Variants in PCDHGA3 observed in about 807,000 individuals in gnomAD.
The protein encoded by PCDHGA3 is protocadherin gamma-A3.
In PCDHGA3, 40 loss-of-function variants were observed where a neutral mutation model predicts 58.5. The ratio of observed to expected loss-of-function variants is 0.68; its 90% CI spans 0.53 to 0.89. The LOEUF is 0.89. Among genes scored for constraint, PCDHGA3 ranks in the 40% least tolerant of loss-of-function variants. PCDHGA3 has a pLI of 0.00. For synonymous variants in PCDHGA3, 530 were observed against 525.7 expected (o/e 1.01, Z -0.11); for missense variants, 1,223 against 1,195.9 (o/e 1.02, Z -0.33).
intron 1 of PCDHGA3, chr5:141,365,015 C>T (rs773470378): frequency 1.2e-6 from 2 of 1,613,786 alleles, no homozygotes; most frequent in Admixed American, 3.3e-5. Context: ...CACGCACATC[C>T]GTGTTACGGT....
At chr5:141,418,149 AAG>A (rs768024698) in intron 1 of PCDHGA3, 1 of 1,613,982 alleles carries the variant, frequency 6.2e-7, no homozygotes, top group Non-Finnish European at 8.5e-7. Flanking sequence ...CAAATATGCA[AAG>A]AGAGAAGAAG....
intron 1 of PCDHGA3, chr5:141,362,450 C>T (rs766571642): frequency 1.2e-6 from 2 of 1,614,050 alleles, no homozygotes; most frequent in Non-Finnish European, 1.7e-6. Context: ...AACATAACCC[C>T]GGAATTGGTT....
intron 1 of PCDHGA3, chr5:141,422,639 C>T (rs777330051): frequency 3.7e-6 from 6 of 1,612,780 alleles, no homozygotes; most frequent in South Asian, 2.2e-5. Flanking sequence ...AGGGGTGCCT[C>T]CATCTTCTCA....
intron 1 of PCDHGA3, chr5:141,423,302 T>G (rs1221185261): frequency 6.2e-7 from 1 of 1,614,144 alleles, no homozygotes. Context: ...GACCTCTCGC[T>G]GTACTTGGTG....
chr5:141,407,158 G>A (rs2094893881), intron 1 of PCDHGA3, among the ~76,000 whole-genome samples: 1 of 152,166 alleles, frequency 6.6e-6, no homozygotes, highest in African/African-American at 2.4e-5. Flanking sequence ...AAGTGTCTGG[G>A]AATCCTTTAT....
intron 1 of PCDHGA3, chr5:141,408,979 C>A (rs1331121466): frequency 6.2e-7 from 1 of 1,613,862 alleles, no homozygotes; most frequent in East Asian, 2.2e-5. Flanking sequence ...CCCCTGGGTC[C>A]CCTGTGTTGC....
intron 1 of PCDHGA3, chr5:141,407,978 A>ATCCGTCAGCCTCTGGCCTGGGAT (rs2095018425): frequency 2.7e-6 from 2 of 743,974 alleles, no homozygotes; most frequent in Non-Finnish European, 4.1e-6. Context: ...GACGCCGGGG[A>ATCCGTCAGCCTCTGGCCTGGGAT]TCCGTCAGCC....
At chr5:141,349,152 C>T (rs1432074421) in intron 1 of PCDHGA3, among the ~76,000 whole-genome samples, 1 of 152,170 alleles carries the variant, frequency 6.6e-6, no homozygotes, top group African/African-American at 2.4e-5. Context: ...CTCACTGCAA[C>T]CTCTGCCTCC....
At chr5:141,364,658 G>C in intron 1 of PCDHGA3, 1 of 1,614,020 alleles carries the variant, frequency 6.2e-7, no homozygotes, top group Non-Finnish European at 8.5e-7. Context: ...TAACATCTTG[G>C]TTGAGAACAA....
intron 1 of PCDHGA3, chr5:141,375,357 C>A: frequency 6.2e-7 from 1 of 1,613,858 alleles, no homozygotes; most frequent in Non-Finnish European, 8.5e-7. Context: ...GTGACAGCCA[C>A]GGACAAAGGA....
Position 141,410,521 on chromosome 5 carries a change from A to G in PCDHGA3, c.2424+64064A>G, listed in dbSNP as rs201505796. ...ATTTCCTAAAATGCAGTGTGCCCCT[A>G]CATTCCAATGAAGACATGGTTTGCA... is the stretch of plus-strand genomic sequence containing the variant. On this transcript the variant is annotated intron_variant, in intron 1 of 3. Coordinates refer to ENST00000253812, the MANE Select transcript of PCDHGA3 (RefSeq NM_018916.4). 1,940 of 1,613,966 alleles carry G rather than the reference A, an allele frequency of 1.2e-3. 3 individuals are homozygous for G. Among genetic ancestry groups the G allele is most frequent in the Non-Finnish European group, 1.5e-3 (1,760 of 1,179,896 alleles).
intron 1 of PCDHGA3, chr5:141,394,806 G>A: frequency 6.2e-7 from 1 of 1,613,852 alleles, no homozygotes; most frequent in Non-Finnish European, 8.5e-7. Flanking sequence ...CGTAGCCGTG[G>A]CTGACAGCAT....
chr5:141,476,714 C>A lies in PCDHGA3; in HGVS notation c.2425-18093C>A, dbSNP rs146188020. 1 of 1,614,154 alleles carries A rather than the reference C, an allele frequency of 6.2e-7. No homozygotes were observed. The highest frequency in any genetic ancestry group is 1.1e-5 in the South Asian group (1 of 91,078). ...CAAGTACGCGGAGCTGGTGTTGGAG[C>A]GCGCCCTGGACCGAGAACGGGAGCC... On this transcript the variant is annotated intron_variant, in intron 1 of 3. Transcript: ENST00000253812. This position sits in a 1 kb window ranked among gnomAD's most constrained non-coding sequence, Gnocchi z 7.6.
Position 141,491,711 on chromosome 5 carries a change from C to A in PCDHGA3, c.2425-3096C>A, listed in dbSNP as rs528931820. ...CGGGAGCGGAGCCAGGTGAGGGGCT[C>A]GGCGCCGCCCCGGGCGACCCCTGGG... On this transcript the variant is annotated intron_variant, in intron 1 of 3. Coordinates refer to ENST00000253812, the MANE Select transcript of PCDHGA3 (RefSeq NM_018916.4). The surrounding 1 kb of genome is among the most constrained non-coding windows in gnomAD (Gnocchi z 6.9). 1.3e-4 allele frequency: 217 copies of A among 1,609,356 alleles called. 3 individuals are homozygous for A. In the South Asian group the frequency reaches 2.2e-3, roughly 17 times the overall value.
At chr5:141,500,876 A>G (rs909126749) in intron 2 of PCDHGA3, among the ~76,000 whole-genome samples, 1 of 124,952 alleles carries the variant, frequency 8.0e-6, no homozygotes, top group African/African-American at 3.5e-5. Flanking sequence ...ATTCATTTAC[A>G]ATTTTTTTTT....
chr5:141,375,513 T>C (rs1771538043), intron 1 of PCDHGA3: 2 of 1,614,038 alleles, frequency 1.2e-6, no homozygotes, highest in Non-Finnish European at 1.7e-6. Flanking sequence ...GTGAATGCAC[T>C]GGACCCTGAC....
chr5:141,490,891 C>A lies in PCDHGA3; in HGVS notation c.2425-3916C>A, dbSNP rs1462296497. The A allele has an allele frequency of 6.2e-7, 1 of 1,613,204 alleles. No homozygotes were observed. Among genetic ancestry groups the A allele is most frequent in the Non-Finnish European group, 8.5e-7 (1 of 1,179,262 alleles). On this transcript the variant is annotated intron_variant, in intron 1 of 3. Transcript: ENST00000253812. This position sits in a 1 kb window ranked among gnomAD's most constrained non-coding sequence, Gnocchi z 5.4. ...CCCATTGCATGCCAACACATCTCTGCATGTGTTTGTCCTAGACGAGAATGA... is the reference window on the plus strand; with the variant it reads ...CCCATTGCATGCCAACACATCTCTGAATGTGTTTGTCCTAGACGAGAATGA...
intron 1 of PCDHGA3, chr5:141,409,917 C>G: frequency 6.2e-7 from 1 of 1,613,376 alleles, no homozygotes; most frequent in South Asian, 1.1e-5. Flanking sequence ...CCTGACGGCT[C>G]CGCGTTCTTC....
At chr5:141,395,521 T>C in intron 1 of PCDHGA3, 1 of 388,366 alleles carries the variant, frequency 2.6e-6, no homozygotes, top group East Asian at 5.0e-5. Context: ...TACCCGTCCA[T>C]ACTGGTAATT....
Sources: allele counts gnomAD v4.1 joint callset (sites outside exome capture counted in the v4.1 genomes callset), GRCh38; gene constraint gnomAD v4.1.1; non-coding constraint Gnocchi (gnomAD v3.1); transcripts MANE v1.5; gene names NCBI Gene and HGNC (gene_info 2026-07-23, HGNC 2026-07-21).